The following PWWP2A variants were observed in gnomAD, a reference collection of about 807,000 sequenced individuals.
PWWP2A encodes PWWP domain containing 2A, also known as PWWP domain-containing protein 2A.
PWWP2A carries 18 observed loss-of-function variants against 48.5 expected under a neutral mutation model. The ratio of observed to expected loss-of-function variants is 0.37; its 90% CI spans 0.26 to 0.55. PWWP2A has a LOEUF of 0.55. PWWP2A is among the 20% of genes least tolerant of loss of function. The probability of loss-of-function intolerance (pLI) is 0.81; values close to 1 mark genes in which losing one functional copy is unlikely to be tolerated. For synonymous variants in PWWP2A, 396 were observed against 387.7 expected, an observed-to-expected ratio of 1.02 and a Z score of -0.25; for missense variants, 867 against 976.4, an observed-to-expected ratio of 0.89 and a Z score of 1.49.
downstream of PWWP2A, among the ~76,000 whole-genome samples, chr5:160,060,526 G>C (rs1382851521): frequency 6.6e-6 from 1 of 152,160 alleles, no homozygotes; most frequent in Admixed American, 6.6e-5. Flanking sequence ...GGTGCCACCT[G>C]TGCTGTAGGT....
At chr5:160,049,687 T>G in the PWWP2A span, 5 of 1,515,390 alleles carry the variant, frequency 3.3e-6, no homozygotes, top group Non-Finnish European at 4.4e-6. Flanking sequence ...TTTAAAAATA[T>G]TTTTCCTTCT....
chr5:160,051,080 TG>T, the PWWP2A span: 92 of 1,380,226 alleles, frequency 6.7e-5, no homozygotes, highest in Middle Eastern at 2.2e-4. Context: ...GGAAAGGTTT[TG>T]GTTTTTTTTT....
intron 5 of PWWP2A, among the ~76,000 whole-genome samples, chr5:160,063,264 G>A (rs192628817): frequency 9.8e-5 from 15 of 152,288 alleles, no homozygotes; most frequent in African/African-American, 3.4e-4. Flanking sequence ...TACCCAGGCT[G>A]GAGTGCAATG....
At position 160,065,244 on chromosome 5, in the gene PWWP2A, A is replaced by T. The variant is rs868278434; in HGVS notation, c.*236+1304T>A. 1.8e-5 allele frequency: 16 copies of T among 893,374 alleles called. 1 individual carries two copies. The Middle Eastern group carries it at 1.7e-3, about 95-fold the overall frequency. The allele number at this position is 893,374 out of a possible 1,614,324, so 55.3% of individuals were successfully genotyped here. A position where few individuals can be genotyped will look rare whatever the true frequency, so the allele number is the denominator to read the frequency against. Reference sequence around the variant, plus strand: ...TGATCAGGGTGAAATGTACTTCCTGATGTAATGAACCTAATTTGATTTCCA... The same window carrying T: ...TGATCAGGGTGAAATGTACTTCCTGTTGTAATGAACCTAATTTGATTTCCA... On this transcript the variant is annotated intron_variant and NMD_transcript_variant, in intron 4 of 5. Coordinates refer to the PWWP2A transcript ENST00000524050.
chr5:160,060,559 T>TTAC (rs1176871503), downstream of PWWP2A, among the ~76,000 whole-genome samples: 12 of 152,182 alleles, frequency 7.9e-5, no homozygotes, highest in African/African-American at 2.9e-4. Context: ...ACCTCATTGA[T>TTAC]TACTGTCCAG....
the PWWP2A span, among the ~76,000 whole-genome samples, chr5:160,045,727 C>CT: frequency 1.3e-5 from 2 of 151,720 alleles, no homozygotes; most frequent in Non-Finnish European, 2.9e-5. Flanking sequence ...ACCCAGCTAA[C>CT]TTTTTTTATT....
At chr5:160,114,825 A>G (rs1561707569) in intron 1 of PWWP2A, among the ~76,000 whole-genome samples, 1 of 149,958 alleles carries the variant, frequency 6.7e-6, no homozygotes, top group Non-Finnish European at 1.5e-5. Context: ...TAAGACCCCC[A>G]TCTCTACAAA....
intron 1 of PWWP2A, among the ~76,000 whole-genome samples, chr5:160,109,831 AT>A: frequency 1.4e-5 from 2 of 139,242 alleles, no homozygotes; most frequent in Admixed American, 1.5e-4. Flanking sequence ...TAATATATAT[AT>A]ATATATATAT....
At chr5:160,086,719 C>G (rs972066055), downstream of PWWP2A, among the ~76,000 whole-genome samples, 3 of 152,080 alleles carry the variant, frequency 2.0e-5, no homozygotes, top group Non-Finnish European at 2.9e-5. Context: ...TGGTGGAACC[C>G]CATCTTCCTG....
At chr5:160,068,262 T>C (rs1406129045) in intron 2 of PWWP2A, among the ~76,000 whole-genome samples, 1 of 152,240 alleles carries the variant, frequency 6.6e-6, no homozygotes, top group Admixed American at 6.5e-5. Context: ...GTAATCATAC[T>C]GTGACGTTGT....
At chr5:160,051,680 G>C in the PWWP2A span, among the ~76,000 whole-genome samples, 1 of 152,242 alleles carries the variant, frequency 6.6e-6, no homozygotes, top group African/African-American at 2.4e-5. Context: ...TGGGGGTAGG[G>C]GTAGGGCAAA....
intron 1 of PWWP2A, among the ~76,000 whole-genome samples, 165 bp from the exon 2 acceptor site, chr5:160,094,230 T>C (rs2546964): frequency 0.96 from 146,970 of 152,348 alleles, 70,934 homozygotes; most frequent in East Asian, 1. Context: ...CCCCAAAAGT[T>C]CAAAGACCTT....
chr5:160,088,221 G>GT (rs562037933), downstream of PWWP2A, among the ~76,000 whole-genome samples: 76 of 152,224 alleles, frequency 5.0e-4, 1 homozygote, highest in East Asian at 0.014. Context: ...TGTCCGGCAT[G>GT]TTTTTTGTTT....
At chr5:160,056,931 C>G (rs1006116748), downstream of PWWP2A, among the ~76,000 whole-genome samples, 10 of 152,228 alleles carry the variant, frequency 6.6e-5, no homozygotes, top group African/African-American at 2.4e-4. Flanking sequence ...TGTTACCACC[C>G]CTCTTAAAGC....
the PWWP2A span, among the ~76,000 whole-genome samples, chr5:160,045,570 A>G: frequency 0.03 from 3,160 of 106,386 alleles, 124 homozygotes; most frequent in East Asian, 0.11. Context: ...CCCTCTCTCA[A>G]TCTCTCAATT....
At chr5:160,086,997 G>A (rs111452032), downstream of PWWP2A, among the ~76,000 whole-genome samples, 2 of 152,092 alleles carry the variant, frequency 1.3e-5, no homozygotes, top group African/African-American at 4.8e-5. Context: ...TACTGGAAGG[G>A]AACAGTTTTA....
At chr5:160,090,935 T>C (rs1011282055), downstream of PWWP2A, 36 of 984,908 alleles carry the variant, frequency 3.7e-5, no homozygotes, top group Non-Finnish European at 4.0e-5. Context: ...ATGGACCATG[T>C]AGAAAAATAG....
At chr5:160,082,634 C>T (rs1240839169) in intron 2 of PWWP2A, among the ~76,000 whole-genome samples, 1 of 152,094 alleles carries the variant, frequency 6.6e-6, no homozygotes, top group Non-Finnish European at 1.5e-5. Flanking sequence ...AAAATATTAA[C>T]AAACCAGTCC....
Position 160,091,383 on chromosome 5 carries a change from T to G in PWWP2A, c.*999A>C, listed in dbSNP as rs1006428275. 3 of 979,974 alleles carry G rather than the reference T, an allele frequency of 3.1e-6. No homozygotes were observed. The highest frequency in any genetic ancestry group is 3.6e-6 in the Non-Finnish European group (3 of 825,572). The allele number at this position is 979,974 out of a possible 1,614,324, so 60.7% of individuals were successfully genotyped here. A position where few individuals can be genotyped will look rare whatever the true frequency, so the allele number is the denominator to read the frequency against. ...ATTTACAGCTTTTTTTTGGTTTTTT[T>G]TTTTTTTTTTACATTTCAGAGCATT... is the stretch of plus-strand genomic sequence containing the variant. On this transcript the variant is annotated 3_prime_UTR_variant, in exon 2 of 2. Transcript: ENST00000307063.
Sources: gnomAD v4.1 joint callset for allele counts (sites outside exome capture counted in the v4.1 genomes callset) on GRCh38, gnomAD v4.1.1 for gene constraint, MANE v1.5 for transcripts, NCBI Gene and HGNC (gene_info 2026-07-23, HGNC 2026-07-21) for gene names.